The following SOX9 variants were observed in gnomAD, a reference collection of about 807,000 sequenced individuals.
SOX9 encodes SRY-box transcription factor 9, also known as transcription factor SOX-9.
Under a neutral mutation model 44.8 loss-of-function variants are expected in SOX9, and 2 were observed. The observed-to-expected ratio is 0.04, with a 90% confidence interval of 0.02 to 0.14. The LOEUF (loss-of-function observed/expected upper bound fraction) is 0.14. Among genes scored for constraint, SOX9 ranks in the 10% least tolerant of loss-of-function variants. The probability of loss-of-function intolerance (pLI) is 1.00; values close to 1 mark genes in which losing one functional copy is unlikely to be tolerated. For missense variants in SOX9, 583 were observed against 728.6 expected (o/e 0.80, Z 2.30); for synonymous variants, 381 against 331.8 (o/e 1.15, Z -1.61).
chr17:72,123,423 G>A lies in SOX9; in HGVS notation c.686-120G>A, dbSNP rs2143249230. The A allele has an allele frequency of 5.8e-6, 8 of 1,383,944 alleles. No individual in the cohort carries two copies. The highest frequency in any genetic ancestry group is 8.1e-6 in the Non-Finnish European group (8 of 982,008). 85.7% of individuals were successfully genotyped at this position (1,383,944 alleles called of 1,614,324 possible). A position where few individuals can be genotyped will look rare whatever the true frequency, so the allele number is the denominator to read the frequency against. ...ATCTCCGGTGCAGCGCGCCTCTTGCGCGGGTGCGGGCCCTTATTACACTTT... is the reference window on the plus strand; with the variant it reads ...ATCTCCGGTGCAGCGCGCCTCTTGCACGGGTGCGGGCCCTTATTACACTTT... On this transcript the variant is annotated intron_variant, in intron 2 of 2. Transcript: ENST00000245479. This position sits in a 1 kb window ranked among gnomAD's most constrained non-coding sequence, Gnocchi z 6.5.
Position 72,121,366 on chromosome 17 carries a change from ACCAGCCC to A in SOX9, c.-23_-17del. On this transcript the variant is annotated 5_prime_UTR_variant, in exon 1 of 3. Coordinates refer to ENST00000245479, the MANE Select transcript of SOX9 (RefSeq NM_000346.4). This position sits in a 1 kb window ranked among gnomAD's most constrained non-coding sequence, Gnocchi z 8.3. Reference sequence around the variant, plus strand: ...CCGCGGCTTCTCGCCTTTCCCGGCCACCAGCCCCCTGCCCCGGGCCCGCGTATGAATC... The same window carrying A: ...CCGCGGCTTCTCGCCTTTCCCGGCCACCTGCCCCGGGCCCGCGTATGAATC... The A allele has an allele frequency of 6.2e-7, 1 of 1,607,932 alleles. No individual in the cohort carries two copies. Among genetic ancestry groups the A allele is most frequent in the Non-Finnish European group, 8.5e-7 (1 of 1,176,574 alleles).
rs1473311344 is a variant in SOX9 at position 72,124,018 on chromosome 17, C to T, written c.1161C>T (p.Ser387=). ...CGCACACGCTGACCACGCTGAGCAG[C>T]GAGCCGGGCCAGTCCCAGCGAACGC... The part of the protein sequence containing the change: ...PQAHTLTTLS[S]EPGQSQRTHI... Residue 387 remains serine, a synonymous_variant, in exon 3 of 3, where the codon AGC becomes AGT. Coordinates refer to ENST00000245479, the MANE Select transcript of SOX9 (RefSeq NM_000346.4). The surrounding 1 kb of genome is among the most constrained non-coding windows in gnomAD (Gnocchi z 4.6). 7 of 1,605,654 alleles carry T rather than the reference C, an allele frequency of 4.4e-6. No individual in the cohort carries two copies. Among genetic ancestry groups the T allele is most frequent in the Non-Finnish European group, 6.0e-6 (7 of 1,176,078 alleles).
In SOX9 at chr17:72,121,590, G is replaced by A. The variant is rs1182522222; in HGVS notation, c.199G>A (p.Asp67Asn). The change falls in exon 1 of 3, where the codon GAC (aspartate) becomes AAC (asparagine). Residue 67 changes from aspartate to asparagine, a missense_variant. Physicochemically the swap from Asp to Asn is conservative, Grantham distance 23. Coordinates refer to ENST00000245479, the MANE Select transcript of SOX9 (RefSeq NM_000346.4). This position sits in a 1 kb window ranked among gnomAD's most constrained non-coding sequence, Gnocchi z 8.3. ...CGATCTGAAGAAGGAGAGCGAGGAG[G>A]ACAAGTTCCCCGTGTGCATCCGCGA... ...EPDLKKESEE[D>N]KFPVCIREAV... is the part of the protein sequence containing the mutation. 1.2e-6 allele frequency: 2 copies of A among 1,606,762 alleles called. No homozygotes were observed. Among genetic ancestry groups the A allele is most frequent in the African/African-American group, 1.3e-5 (1 of 74,718 alleles).
rs1450680578 is a variant in SOX9 at position 72,121,897 on chromosome 17, C to T, written c.431+75C>T. ...GGGCGCTGGTCAGGGCTGATTTGCC[C>T]CGCCCCGCCTCCCATCGCCCGGGAG... On this transcript the variant is annotated intron_variant, in intron 1 of 2. Coordinates refer to ENST00000245479, the MANE Select transcript of SOX9 (RefSeq NM_000346.4). The surrounding 1 kb of genome is among the most constrained non-coding windows in gnomAD (Gnocchi z 8.3). 1 of 1,443,906 alleles carries T rather than the reference C, an allele frequency of 6.9e-7. No individual in the cohort carries two copies. Among genetic ancestry groups the T allele is most frequent in the Non-Finnish European group, 9.1e-7 (1 of 1,096,074 alleles). The allele number at this position is 1,443,906 out of a possible 1,614,324, so 89.4% of individuals were successfully genotyped here.
Position 72,121,869 on chromosome 17 carries a change from T to G in SOX9, c.431+47T>G, listed in dbSNP as rs2143241727. ...GCGGCAGGGTGGGCATCGCGGCGGC[T>G]GGGGGCGCTGGTCAGGGCTGATTTG... On this transcript the variant is annotated intron_variant, in intron 1 of 2. Coordinates refer to ENST00000245479, the MANE Select transcript of SOX9 (RefSeq NM_000346.4). This position sits in a 1 kb window ranked among gnomAD's most constrained non-coding sequence, Gnocchi z 8.3. 6.7e-7 allele frequency: 1 copy of G among 1,498,338 alleles called. No homozygotes were observed. The highest frequency in any genetic ancestry group is 1.3e-5 in the South Asian group (1 of 74,656). 92.8% of individuals were successfully genotyped at this position (1,498,338 alleles called of 1,614,324 possible).
rs1908066074 is a variant in SOX9, at chr17:72,121,027, C to G, written c.-365C>G. The G allele has an allele frequency of 1.9e-6, 1 of 525,640 alleles. No individual in the cohort carries two copies. The highest frequency in any genetic ancestry group is 3.1e-5 in the South Asian group (1 of 32,550). 32.6% of individuals were successfully genotyped at this position (525,640 alleles called of 1,614,324 possible). A position where few individuals can be genotyped will look rare whatever the true frequency, so the allele number is the denominator to read the frequency against. On this transcript the variant is annotated 5_prime_UTR_variant, in exon 1 of 3. Transcript: ENST00000245479. The surrounding 1 kb of genome is among the most constrained non-coding windows in gnomAD (Gnocchi z 8.3). ...GACCCTGGGCTGGGAGTTGGAGAGC[C>G]GAAAGCGGAGCTCGAAACTGACTGG...
rs201541265 is a variant in SOX9 at position 72,122,915 on chromosome 17, G to A, written c.628G>A (p.Asp210Asn). The change falls in exon 2 of 3, where the codon GAC becomes AAC. Residue 210 changes from aspartate to asparagine, a missense_variant. By Grantham distance (23) the Asp-to-Asn change is conservative. This residue lies in a region of SOX9 where 88 missense variants were observed against 65.5 expected (regional missense o/e 1.34). Coordinates refer to ENST00000245479, the MANE Select transcript of SOX9 (RefSeq NM_000346.4). Reference sequence around the variant, plus strand: ...CGCCATCTTCAAGGCGCTGCAGGCCGACTCGCCACACTCCTCCTCCGGCAT... The same window carrying A: ...CGCCATCTTCAAGGCGCTGCAGGCCAACTCGCCACACTCCTCCTCCGGCAT... ...PNAIFKALQA[D>N]SPHSSSGMSE... 5.6e-6 allele frequency: 9 copies of A among 1,614,068 alleles called. No homozygotes were observed. Among genetic ancestry groups the A allele is most frequent in the African/African-American group, 5.3e-5 (4 of 75,040 alleles).
At chr17:72,122,147 G>A (rs546293556) in intron 1 of SOX9, among the ~76,000 whole-genome samples, 13 of 152,250 alleles carry the variant, frequency 8.5e-5, no homozygotes, top group African/African-American at 3.1e-4. Flanking sequence ...AATCGGGGCG[G>A]GGAAGTGAAA....
At position 72,123,086 on chromosome 17, in the gene SOX9, A is replaced by T. The variant is rs1908159660; in HGVS notation, c.685+114A>T. ...ACTTTATGCTTCCCGGGAGGGACACACTGCCCTTTGCGCCCGTCCCGCTCC... is the reference window on the plus strand; with the variant it reads ...ACTTTATGCTTCCCGGGAGGGACACTCTGCCCTTTGCGCCCGTCCCGCTCC... On this transcript the variant is annotated intron_variant, in intron 2 of 2. Coordinates refer to ENST00000245479, the MANE Select transcript of SOX9 (RefSeq NM_000346.4). The surrounding 1 kb of genome is among the most constrained non-coding windows in gnomAD (Gnocchi z 6.5). 1.5e-6 allele frequency: 2 copies of T among 1,370,386 alleles called. No individual in the cohort carries two copies. The highest frequency in any genetic ancestry group is 2.0e-6 in the Non-Finnish European group (2 of 990,970). 84.9% of individuals were successfully genotyped at this position (1,370,386 alleles called of 1,614,324 possible). A position where few individuals can be genotyped will look rare whatever the true frequency, so the allele number is the denominator to read the frequency against.
In SOX9 at chr17:72,123,048, A is replaced by T. The variant is rs1410314569; in HGVS notation, c.685+76A>T. 1 of 1,567,312 alleles carries T rather than the reference A, an allele frequency of 6.4e-7. No individual in the cohort carries two copies. The highest frequency in any genetic ancestry group is 2.3e-5 in the East Asian group (1 of 44,306). ...ACACCCCCTGCCCTCCGCCTGGGAGATTCTTCGTGGGGACTTTATGCTTCC... is the reference window on the plus strand; with the variant it reads ...ACACCCCCTGCCCTCCGCCTGGGAGTTTCTTCGTGGGGACTTTATGCTTCC... On this transcript the variant is annotated intron_variant, in intron 2 of 2. Transcript: ENST00000245479. The surrounding 1 kb of genome is among the most constrained non-coding windows in gnomAD (Gnocchi z 6.5).
At chr17:72,122,513 A>G (rs1908130695) in intron 1 of SOX9, among the ~76,000 whole-genome samples, 1 of 151,866 alleles carries the variant, frequency 6.6e-6, no homozygotes, top group Admixed American at 6.6e-5. Context: ...GTGACCGCTC[A>G]GGTCAGACTG....
rs774726954 is a variant in SOX9, at chr17:72,121,873, G to A, written c.431+51G>A. The A allele has an allele frequency of 2.7e-6, 4 of 1,497,016 alleles. No individual in the cohort carries two copies. The South Asian group carries it at 5.4e-5, about 20-fold the overall frequency. The allele number at this position is 1,497,016 out of a possible 1,614,324, so 92.7% of individuals were successfully genotyped here. A position where few individuals can be genotyped will look rare whatever the true frequency, so the allele number is the denominator to read the frequency against. On this transcript the variant is annotated intron_variant, in intron 1 of 2. Transcript: ENST00000245479. This position sits in a 1 kb window ranked among gnomAD's most constrained non-coding sequence, Gnocchi z 8.3. ...CAGGGTGGGCATCGCGGCGGCTGGGGGCGCTGGTCAGGGCTGATTTGCCCC... is the reference window on the plus strand; with the variant it reads ...CAGGGTGGGCATCGCGGCGGCTGGGAGCGCTGGTCAGGGCTGATTTGCCCC...
In SOX9 at chr17:72,122,877, A is replaced by G. The variant is rs1462845239; in HGVS notation, c.590A>G (p.His197Arg). The G allele has an allele frequency of 6.2e-7, 1 of 1,614,158 alleles. No individual in the cohort carries two copies. The highest frequency in any genetic ancestry group is 1.3e-5 in the African/African-American group (1 of 75,044). ...AEAEEATEQT[H>R]ISPNAIFKAL... is the part of the protein sequence containing the mutation. Reference sequence around the variant, plus strand: ...GCAGAGGAGGCCACGGAGCAGACGCACATCTCCCCCAACGCCATCTTCAAG... The same window carrying G: ...GCAGAGGAGGCCACGGAGCAGACGCGCATCTCCCCCAACGCCATCTTCAAG... The change falls in exon 2 of 3, where the codon CAC (histidine) becomes CGC (arginine). Residue 197 changes from histidine (H) to arginine (R), a missense_variant. Transcript: ENST00000245479.
rs2143247172 is a variant in SOX9, at chr17:72,122,940, T to A, written c.653T>A (p.Met218Lys). The change falls in exon 2 of 3, where the codon ATG becomes AAG. Residue 218 changes from methionine to lysine, a missense_variant. Transcript: ENST00000245479. ...QADSPHSSSG[M>K]SEVHSPGEHS... ...GACTCGCCACACTCCTCCTCCGGCA[T>A]GAGCGAGGTGCACTCCCCCGGCGAG... 16 of 1,613,986 alleles carry A rather than the reference T, an allele frequency of 9.9e-6. No individual in the cohort carries two copies. Among genetic ancestry groups the A allele is most frequent in the Non-Finnish European group, 1.4e-5 (16 of 1,179,968 alleles).
chr17:72,124,312 G>C lies in SOX9; in HGVS notation c.1455G>C (p.Gly485=), dbSNP rs747685210. 2.5e-6 allele frequency: 4 copies of C among 1,606,206 alleles called. No individual in the cohort carries two copies. Among genetic ancestry groups the C allele is most frequent in the Non-Finnish European group, 3.4e-6 (4 of 1,179,936 alleles). ...ACACCCCCATCGCCGACACCTCTGG[G>C]GTCCCTTCCATCCCGCAGACCCACA... ...PMYTPIADTS[G]VPSIPQTHSP... The change falls in exon 3 of 3, where the codon GGG becomes GGC. Residue 485 remains glycine, a synonymous_variant. Transcript: ENST00000245479. This position sits in a 1 kb window ranked among gnomAD's most constrained non-coding sequence, Gnocchi z 4.6.
Position 72,123,959 on chromosome 17 carries a change from C to G in SOX9, c.1102C>G (p.Gln368Glu). Reference sequence around the variant, plus strand: ...CCCGCAGCCGCAGGCGGCGCCCCCACAGCAGCCGGCGGCACCCCCGCAGCA... The same window carrying G: ...CCCGCAGCCGCAGGCGGCGCCCCCAGAGCAGCCGGCGGCACCCCCGCAGCA... ...APPQPQAAPP[Q>E]QPAAPPQQPQ... Residue 368 changes from glutamine (Q) to glutamate (E), a missense_variant, in exon 3 of 3, where the codon CAG (glutamine) becomes GAG (glutamate). Around this residue, in one of 7 missense-constraint regions of SOX9, gnomAD observed 349 missense variants for 387.0 expected, o/e 0.90. Coordinates refer to ENST00000245479, the MANE Select transcript of SOX9 (RefSeq NM_000346.4). The surrounding 1 kb of genome is among the most constrained non-coding windows in gnomAD (Gnocchi z 6.5). 6.9e-7 allele frequency: 1 copy of G among 1,457,912 alleles called. No homozygotes were observed. The highest frequency in any genetic ancestry group is 9.0e-7 in the Non-Finnish European group (1 of 1,107,866). 90.3% of individuals were successfully genotyped at this position (1,457,912 alleles called of 1,614,324 possible). A position where few individuals can be genotyped will look rare whatever the true frequency, so the allele number is the denominator to read the frequency against.
Position 72,124,136 on chromosome 17 carries a change from C to A in SOX9, c.1279C>A (p.His427Asn). ...CGCCTACAGCCCCTTCAACCTCCCA[C>A]ACTACAGCCCCTCCTACCCGCCCAT... ...QIAYSPFNLPHYSPSYPPITR... is the reference protein window; with the variant it reads ...QIAYSPFNLPNYSPSYPPITR... Residue 427 changes from histidine (H) to asparagine (N), a missense_variant, in exon 3 of 3, where the codon CAC (histidine) becomes AAC (asparagine). His to Asn is a moderately conservative substitution (Grantham distance 68). This residue lies in a region of SOX9 where 349 missense variants were observed against 387.0 expected (regional missense o/e 0.90). Coordinates refer to ENST00000245479, the MANE Select transcript of SOX9 (RefSeq NM_000346.4). The surrounding 1 kb of genome is among the most constrained non-coding windows in gnomAD (Gnocchi z 4.6). 6.2e-7 allele frequency: 1 copy of A among 1,613,902 alleles called. No individual in the cohort carries two copies. The highest frequency in any genetic ancestry group is 8.5e-7 in the Non-Finnish European group (1 of 1,180,026).
At position 72,123,108 on chromosome 17, in the gene SOX9, C is replaced by G. The variant is rs1168302127; in HGVS notation, c.685+136C>G. ...CACACTGCCCTTTGCGCCCGTCCCG[C>G]TCCCCTCTCTACCCAGAGCCTAAGA... is the stretch of plus-strand genomic sequence containing the variant. On this transcript the variant is annotated intron_variant, in intron 2 of 2. Transcript: ENST00000245479. The surrounding 1 kb of genome is among the most constrained non-coding windows in gnomAD (Gnocchi z 6.5). 7 of 1,033,356 alleles carry G rather than the reference C, an allele frequency of 6.8e-6. No individual in the cohort carries two copies. In the East Asian group the frequency reaches 1.8e-4, roughly 27 times the overall value. The allele number at this position is 1,033,356 out of a possible 1,614,324, so 64.0% of individuals were successfully genotyped here.
rs1408100393 is a variant in SOX9 at position 72,126,221 on chromosome 17, TAAG to T, written c.*1837_*1839del. 1 of 233,142 alleles carries T rather than the reference TAAG, an allele frequency of 4.3e-6. No individual in the cohort carries two copies. The highest frequency in any genetic ancestry group is 6.1e-5 in the East Asian group (1 of 16,430). The allele number at this position is 233,142 out of a possible 1,614,324, so 14.4% of individuals were successfully genotyped here. On this transcript the variant is annotated 3_prime_UTR_variant, in exon 3 of 3. Coordinates refer to ENST00000245479, the MANE Select transcript of SOX9 (RefSeq NM_000346.4). ...TTTTTAAAAAGATACTTCTGTAACT[TAAG>T]AAACCTGGCATTTAAATCATATTTT... is the stretch of plus-strand genomic sequence containing the variant.
Sources: allele counts gnomAD v4.1 joint callset (sites outside exome capture counted in the v4.1 genomes callset), GRCh38; gene constraint gnomAD v4.1.1; regional missense constraint gnomAD v4.1.1; non-coding constraint Gnocchi (gnomAD v3.1); transcripts MANE v1.5; gene names NCBI Gene and HGNC (gene_info 2026-07-23, HGNC 2026-07-21).